Variants in LRRC4C observed in about 807,000 individuals in gnomAD.
LRRC4C encodes the protein leucine-rich repeat-containing protein 4C.
In LRRC4C, 5 loss-of-function variants were observed where a neutral mutation model predicts 33.6. The observed-to-expected ratio is 0.15, with a 90% CI of 0.08 to 0.31. LRRC4C has a LOEUF of 0.31. Among genes scored for constraint, LRRC4C ranks in the 10% least tolerant of loss-of-function variants. The pLI is 1.00. For synonymous variants in LRRC4C, 329 were observed against 302.0 expected (o/e 1.09, Z -0.93); for missense variants, 560 against 796.7 (o/e 0.70, Z 3.58).
chr11:40,334,377 G>C (rs1946503239), intron 3 of LRRC4C, among the ~76,000 whole-genome samples: 1 of 151,936 alleles, frequency 6.6e-6, no homozygotes, highest in South Asian at 2.1e-4. Context: ...AGGCCAGTAG[G>C]CTAGAGTTTG....
intron 5 of LRRC4C, among the ~76,000 whole-genome samples, chr11:40,189,957 T>C (rs117510356): frequency 0.018 from 2,798 of 152,252 alleles, 40 homozygotes; most frequent in Non-Finnish European, 0.027. Flanking sequence ...CAATACAAAC[T>C]TTTCATAATC....
intron 2 of LRRC4C, among the ~76,000 whole-genome samples, chr11:40,696,708 C>T (rs1320271601): frequency 1.4e-5 from 2 of 142,202 alleles, no homozygotes; most frequent in East Asian, 4.1e-4. Flanking sequence ...CTATACATTG[C>T]AGCACAGAAA....
At chr11:40,297,689 CATTTG>C (rs1944580632) in intron 4 of LRRC4C, among the ~76,000 whole-genome samples, 1 of 151,960 alleles carries the variant, frequency 6.6e-6, no homozygotes. Flanking sequence ...TACTTTTTAA[CATTTG>C]TTTTAATAAC....
chr11:40,787,042 C>G (rs1310225490), intron 2 of LRRC4C, among the ~76,000 whole-genome samples: 2 of 152,138 alleles, frequency 1.3e-5, no homozygotes, highest in Non-Finnish European at 2.9e-5. Flanking sequence ...ATCCGAGACA[C>G]TCACCTCCAT....
intron 3 of LRRC4C, among the ~76,000 whole-genome samples, chr11:40,399,345 A>G (rs1949669206): frequency 6.6e-6 from 1 of 152,146 alleles, no homozygotes; most frequent in Non-Finnish European, 1.5e-5. Context: ...ATGGAATACT[A>G]TGCAGCCATT....
intron 1 of LRRC4C, among the ~76,000 whole-genome samples, chr11:41,414,568 G>A (rs1335715018): frequency 6.6e-6 from 1 of 151,802 alleles, no homozygotes; most frequent in Non-Finnish European, 1.5e-5. Flanking sequence ...ATTAAAGTCT[G>A]TAATGTTTTC....
At chr11:40,803,727 C>A (rs1346176185) in intron 2 of LRRC4C, among the ~76,000 whole-genome samples, 1 of 152,148 alleles carries the variant, frequency 6.6e-6, no homozygotes, top group African/African-American at 2.4e-5. Context: ...CCCGCCTCGG[C>A]CTCCCAAAGT....
intron 2 of LRRC4C, among the ~76,000 whole-genome samples, chr11:40,785,135 A>T (rs1950361665): frequency 6.6e-6 from 1 of 152,176 alleles, no homozygotes. Context: ...CTATGTTGTT[A>T]TGCTAATTAA....
intron 3 of LRRC4C, among the ~76,000 whole-genome samples, chr11:40,581,686 G>A (rs918403062): frequency 2.6e-5 from 4 of 152,026 alleles, no homozygotes; most frequent in East Asian, 1.9e-4. Flanking sequence ...GGCAAATCAC[G>A]AGGTCGGGAG....
At chr11:40,578,131 T>C (rs1458084151) in intron 3 of LRRC4C, among the ~76,000 whole-genome samples, 4 of 135,654 alleles carry the variant, frequency 2.9e-5, no homozygotes, top group African/African-American at 8.3e-5. Flanking sequence ...TATTGGACTT[T>C]TTTTTTTCGG....
chr11:41,065,454 G>A (rs1052252437), intron 1 of LRRC4C, among the ~76,000 whole-genome samples: 1 of 152,144 alleles, frequency 6.6e-6, no homozygotes, highest in Non-Finnish European at 1.5e-5. Context: ...TATGGGGAGG[G>A]GCCGGTGCAG....
At chr11:40,797,697 ATT>A (rs1296213476) in intron 2 of LRRC4C, among the ~76,000 whole-genome samples, 5 of 152,180 alleles carry the variant, frequency 3.3e-5, no homozygotes, top group Admixed American at 2.6e-4. Context: ...TTTTTTCAAC[ATT>A]GAGACTTTCT....
intron 1 of LRRC4C, among the ~76,000 whole-genome samples, chr11:41,085,900 A>G (rs1288141711): frequency 6.8e-6 from 1 of 146,842 alleles, no homozygotes; most frequent in Admixed American, 6.9e-5. Flanking sequence ...CTTGAAGGAA[A>G]GGGATTCATA....
intron 5 of LRRC4C, among the ~76,000 whole-genome samples, chr11:40,194,831 G>C (rs1042075655): frequency 1.3e-5 from 2 of 152,172 alleles, no homozygotes; most frequent in Non-Finnish European, 2.9e-5. Flanking sequence ...GCTTACGCCT[G>C]TAATCCCAGC....
intron 5 of LRRC4C, among the ~76,000 whole-genome samples, chr11:40,221,627 G>A (rs1864425276): frequency 6.6e-6 from 1 of 152,084 alleles, no homozygotes; most frequent in Non-Finnish European, 1.5e-5. Flanking sequence ...AAAACTGAAA[G>A]GCAGAAATGA....
At chr11:41,402,246 A>T (rs1484403380) in intron 1 of LRRC4C, among the ~76,000 whole-genome samples, 1 of 152,062 alleles carries the variant, frequency 6.6e-6, no homozygotes, top group Non-Finnish European at 1.5e-5. Context: ...TCAAACAATG[A>T]TGAAAGCCTT....
At chr11:41,390,056 C>T (rs1953528590) in intron 1 of LRRC4C, among the ~76,000 whole-genome samples, 1 of 151,754 alleles carries the variant, frequency 6.6e-6, no homozygotes, top group Admixed American at 6.6e-5. Context: ...GTATGTCTAT[C>T]CAGAACTTGC....
At chr11:40,183,221 T>C (rs1183173119) in intron 5 of LRRC4C, among the ~76,000 whole-genome samples, 1 of 152,164 alleles carries the variant, frequency 6.6e-6, no homozygotes, top group African/African-American at 2.4e-5. Flanking sequence ...TCTTTAAAAG[T>C]CATCCATTCA....
intron 4 of LRRC4C, among the ~76,000 whole-genome samples, chr11:40,252,954 A>C (rs1427165704): frequency 6.6e-6 from 1 of 152,174 alleles, no homozygotes; most frequent in Non-Finnish European, 1.5e-5. Context: ...TTACAAAATA[A>C]AATGTTTGCA....
Sources: gnomAD v4.1 joint callset for allele counts (sites outside exome capture counted in the v4.1 genomes callset) on GRCh38, gnomAD v4.1.1 for gene constraint, MANE v1.5 for transcripts, NCBI Gene and HGNC (gene_info 2026-07-23, HGNC 2026-07-21) for gene names.